Variants in LMTK3 observed in about 807,000 individuals in gnomAD.
LMTK3 encodes the protein lemur tail kinase 3.
LMTK3 carries 27 observed loss-of-function variants against 116.7 expected under a neutral mutation model. The ratio of observed to expected loss-of-function variants is 0.23; its 90% confidence interval spans 0.17 to 0.32. The LOEUF (loss-of-function observed/expected upper bound fraction) is 0.32, where lower values mean the gene tolerates loss of function less well. Among genes scored for constraint, LMTK3 ranks in the 10% least tolerant of loss-of-function variants. The pLI, the probability that LMTK3 is intolerant of heterozygous loss-of-function variation, is 1.00. For missense variants in LMTK3, 1,764 were observed against 2,068.5 expected (o/e 0.85, Z 2.86); for synonymous variants, 965 against 971.0 (o/e 0.99, Z 0.11).
At chr19:48,513,246 C>G, upstream of LMTK3, 2 of 1,308,478 alleles carry the variant, frequency 1.5e-6, no homozygotes, top group South Asian at 2.5e-5. This position sits in a 1 kb window ranked among gnomAD's most constrained non-coding sequence, Gnocchi z 5.6. Context: ...AGTATTTAGT[C>G]TGTGCCAGGT....
At chr19:48,512,733 TACAC>T (rs1437956837), upstream of LMTK3, among the ~76,000 whole-genome samples, 1 of 151,586 alleles carries the variant, frequency 6.6e-6, no homozygotes, top group Non-Finnish European at 1.5e-5. Context: ...CTCACATGGA[TACAC>T]ACAGACACAC....
At chr19:48,510,332 G>T in intron 2 of LMTK3, 127 bp downstream of exon 2, 2 of 1,424,610 alleles carry the variant, frequency 1.4e-6, no homozygotes, top group Non-Finnish European at 1.9e-6. Context: ...TCCAGATCTT[G>T]CCATAGCTTC....
At chr19:48,503,179 C>T (rs945475108) in intron 5 of LMTK3, among the ~76,000 whole-genome samples, 183 bp from the exon 6 acceptor site, 1 of 152,204 alleles carries the variant, frequency 6.6e-6, no homozygotes, top group African/African-American at 2.4e-5. Flanking sequence ...TCCTGAGTAG[C>T]CAGGATTACA....
upstream of LMTK3, chr19:48,513,113 AC>A (rs1178925354): frequency 6.3e-7 from 1 of 1,581,344 alleles, no homozygotes; most frequent in East Asian, 2.3e-5. The surrounding 1 kb of genome is among the most constrained non-coding windows in gnomAD (Gnocchi z 5.6). Context: ...AGACACGCGC[AC>A]AGACACACGG....
chr19:48,500,758 G>C lies in LMTK3; in HGVS notation c.1151+238C>G, dbSNP rs76483180. Among the ~76,000 whole-genome samples, 1 of 152,178 alleles carries C rather than the reference G, an allele frequency of 6.6e-6. No individual in the cohort carries two copies. The highest frequency in any genetic ancestry group is 1.5e-5 in the Non-Finnish European group (1 of 68,032). The stretch of plus-strand genomic sequence containing the variant: ...GCGCTGTGAGCTCTGGAATCAGACA[G>C]GTAAGAAGCAGGGACCTCTTAGGGT... On this transcript the variant is annotated intron_variant, in intron 10 of 14. Coordinates refer to ENST00000600059, the MANE Select transcript of LMTK3 (RefSeq NM_001388485.1). The surrounding 1 kb of genome is among the most constrained non-coding windows in gnomAD (Gnocchi z 4.0).
At position 48,497,614 on chromosome 19, in the gene LMTK3, G is replaced by C. The variant is rs894453781; in HGVS notation, c.3455C>G (p.Pro1152Arg). The change falls in exon 11 of 15, where the codon CCG becomes CGG. Residue 1152 changes from proline to arginine, a missense_variant. Around this residue, in one of 7 missense-constraint regions of LMTK3, gnomAD observed 1,028 missense variants for 1,050.6 expected, o/e 0.98. Coordinates refer to ENST00000600059, the MANE Select transcript of LMTK3 (RefSeq NM_001388485.1). The surrounding 1 kb of genome is among the most constrained non-coding windows in gnomAD (Gnocchi z 5.7). Reference protein sequence around the residue: ...RPQPPPPPLPPPPEAQPRRLE... With the variant: ...RPQPPPPPLPRPPEAQPRRLE... ...CCTCCTCGGCTGTGCCTCCGGTGGC[G>C]GTGGCAGCGGTGGCGGCGGTGGCTG... 3.1e-6 allele frequency: 4 copies of C among 1,299,814 alleles called. No individual in the cohort carries two copies. The highest frequency in any genetic ancestry group is 3.9e-6 in the Non-Finnish European group (4 of 1,024,692). 80.5% of individuals were successfully genotyped at this position (1,299,814 alleles called of 1,614,324 possible).
In LMTK3 at chr19:48,491,491, T is replaced by C. The variant is rs752582954; in HGVS notation, c.4141A>G (p.Thr1381Ala). 7.1e-7 allele frequency: 1 copy of C among 1,409,480 alleles called. No individual in the cohort carries two copies. The highest frequency in any genetic ancestry group is 9.3e-7 in the Non-Finnish European group (1 of 1,080,166). The allele number at this position is 1,409,480 out of a possible 1,614,324, so 87.3% of individuals were successfully genotyped here. Residue 1381 changes from threonine to alanine, a missense_variant, in exon 13 of 15, where the codon ACG (threonine) becomes GCG (alanine). Physicochemically the swap from Thr to Ala is moderately conservative, Grantham distance 58. Transcript: ENST00000600059. This position sits in a 1 kb window ranked among gnomAD's most constrained non-coding sequence, Gnocchi z 5.1. The stretch of plus-strand genomic sequence containing the variant: ...GGCGCTGGAGGCGTTGACGGGTCCG[T>C]GTCCCCCTCGGGGGGGGCCTGGACG... ...LSVQAPPEGD[T>A]DPSTPPAPPT...
Position 48,498,672 on chromosome 19 carries a change from G to C in LMTK3, c.2397C>G (p.Thr799=). Reference sequence around the variant, plus strand: ...GGAAGGCTCCCTCTGGGGAAAAAGGGGTCTCGGTCTCGTAGCCGCTGTCCC... The same window carrying C: ...GGAAGGCTCCCTCTGGGGAAAAAGGCGTCTCGGTCTCGTAGCCGCTGTCCC... ...KPGDSGYETE[T]PFSPEGAFPG... The change falls in exon 11 of 15, where the codon ACC becomes ACG. Residue 799 remains threonine, a synonymous_variant. Coordinates refer to ENST00000600059, the MANE Select transcript of LMTK3 (RefSeq NM_001388485.1). 6.5e-7 allele frequency: 1 copy of C among 1,538,842 alleles called. No individual in the cohort carries two copies. The highest frequency in any genetic ancestry group is 8.7e-7 in the Non-Finnish European group (1 of 1,145,580).
chr19:48,503,343 C>T (rs947907088), intron 5 of LMTK3, among the ~76,000 whole-genome samples: 8 of 152,222 alleles, frequency 5.3e-5, no homozygotes, highest in East Asian at 1.9e-4. Flanking sequence ...CCACCGCACC[C>T]GGCCCACTCT....
chr19:48,512,373 G>A (rs1470328169), upstream of LMTK3, among the ~76,000 whole-genome samples: 1 of 152,006 alleles, frequency 6.6e-6, no homozygotes, highest in Non-Finnish European at 1.5e-5. Flanking sequence ...ACATGCCCCG[G>A]ACAAAGTAAA....
Position 48,498,938 on chromosome 19 carries a change from G to C in LMTK3, c.2131C>G (p.Arg711Gly). The C allele has an allele frequency of 1.6e-6, 2 of 1,289,500 alleles. No individual in the cohort carries two copies. 79.9% of individuals were successfully genotyped at this position (1,289,500 alleles called of 1,614,324 possible). The change falls in exon 11 of 15, where the codon CGG becomes GGG. Residue 711 changes from arginine (R) to glycine (G), a missense_variant. By Grantham distance (125) the Arg-to-Gly change is moderately radical. This residue lies in a region of LMTK3 where 1,028 missense variants were observed against 1,050.6 expected (regional missense o/e 0.98). Coordinates refer to ENST00000600059, the MANE Select transcript of LMTK3 (RefSeq NM_001388485.1). ...TCGGCCAGGGAGCCCCGCTCTGCCCGCAGCGAGGAGTCGTCCTCGGGGGGG... is the reference window on the plus strand; with the variant it reads ...TCGGCCAGGGAGCCCCGCTCTGCCCCCAGCGAGGAGTCGTCCTCGGGGGGG... Reference protein sequence around the residue: ...PHPPEDDSSLRAERGSLADLP... With the variant: ...PHPPEDDSSLGAERGSLADLP...
chr19:48,499,107 G>T lies in LMTK3; in HGVS notation c.1962C>A (p.Ser654Arg). 6.4e-7 allele frequency: 1 copy of T among 1,558,620 alleles called. No homozygotes were observed. The change falls in exon 11 of 15, where the codon AGC becomes AGA. Residue 654 changes from serine (S) to arginine (R), a missense_variant. By Grantham distance (110) the Ser-to-Arg change is moderately radical. Coordinates refer to ENST00000600059, the MANE Select transcript of LMTK3 (RefSeq NM_001388485.1). ...GGCTTGGGCCACCTCCAAGGCTGCTGCTGTCTTCCCCTGGGGAGCTGCCCT... is the reference window on the plus strand; with the variant it reads ...GGCTTGGGCCACCTCCAAGGCTGCTTCTGTCTTCCCCTGGGGAGCTGCCCT... ...EEEGSSPGEDSSSLGGGPSRR... is the reference protein window; with the variant it reads ...EEEGSSPGEDRSSLGGGPSRR...
chr19:48,509,026 G>T, intron 4 of LMTK3, 57 bp from the exon 5 acceptor site: 1 of 1,203,046 alleles, frequency 8.3e-7, no homozygotes. Context: ...CCGTCCCCTG[G>T]GACCAGCTCC....
chr19:48,498,241 G>T lies in LMTK3; in HGVS notation c.2828C>A (p.Ala943Glu), dbSNP rs765926338. The T allele has an allele frequency of 1.2e-6, 2 of 1,613,004 alleles. No homozygotes were observed. The highest frequency in any genetic ancestry group is 2.7e-5 in the African/African-American group (2 of 74,702). The part of the protein sequence containing the change: ...DQRAPGIEEK[A>E]AENGALGSPE... ...GGACCCCAGGGCCCCATTCTCCGCC[G>T]CCTTCTCCTCGATGCCTGGGGCTCT... Residue 943 changes from alanine to glutamate, a missense_variant, in exon 11 of 15, where the codon GCG (alanine) becomes GAG (glutamate). Ala to Glu is a moderately radical substitution (Grantham distance 107). Transcript: ENST00000600059.
chr19:48,487,739 G>A (rs980839262), intron 14 of LMTK3, among the ~76,000 whole-genome samples: 1 of 152,082 alleles, frequency 6.6e-6, no homozygotes, highest in African/African-American at 2.4e-5. Context: ...GGTTCTCGTT[G>A]GGGGCCTCAT....
Position 48,498,390 on chromosome 19 carries a change from G to A in LMTK3, c.2679C>T (p.Gly893=). Residue 893 remains glycine, a synonymous_variant, in exon 11 of 15, where the codon GGC becomes GGT. Transcript: ENST00000600059. The stretch of plus-strand genomic sequence containing the variant: ...CCGGGACTTTCTCTCTGTTCCCGGG[G>A]CCTCTCCCCGCCTTCCTGGGTCCTG... The part of the protein sequence containing the change: ...RETGPRKAGR[G]PGNREKVPGL... 2 of 1,611,302 alleles carry A rather than the reference G, an allele frequency of 1.2e-6. No individual in the cohort carries two copies. The highest frequency in any genetic ancestry group is 1.7e-6 in the Non-Finnish European group (2 of 1,179,024).
At chr19:48,509,933 C>T in intron 3 of LMTK3, 90 bp downstream of exon 3, 3 of 1,468,340 alleles carry the variant, frequency 2.0e-6, no homozygotes, top group Non-Finnish European at 2.8e-6. Context: ...CCGCTGGTCT[C>T]AACCGCCCCA....
In LMTK3 at chr19:48,493,953, C is replaced by T. The variant is rs776526950; in HGVS notation, c.3833G>A (p.Gly1278Glu). Residue 1278 changes from glycine (G) to glutamate (E), a missense_variant, in exon 12 of 15, where the codon GGG becomes GAG. Gly to Glu is a moderately conservative substitution (Grantham distance 98, BLOSUM62 -2). This residue lies in a region of LMTK3 where 281 missense variants were observed against 301.4 expected (regional missense o/e 0.93). Coordinates refer to ENST00000600059, the MANE Select transcript of LMTK3 (RefSeq NM_001388485.1). ...CTCCTCGTCCTCGTCCTCGTCCTCC[C>T]CGTCCTCCTCCGCCGGCCCCGGCGC... is the stretch of plus-strand genomic sequence containing the variant. ...AGAPGPAEEDGEDEDEDEEED... is the reference protein window; with the variant it reads ...AGAPGPAEEDEEDEDEDEEED... 2.6e-5 allele frequency: 27 copies of T among 1,040,648 alleles called. No individual in the cohort carries two copies. The highest frequency in any genetic ancestry group is 2.2e-4 in the Admixed American group (4 of 18,134). The allele number at this position is 1,040,648 out of a possible 1,614,324, so 64.5% of individuals were successfully genotyped here. A position where few individuals can be genotyped will look rare whatever the true frequency, so the allele number is the denominator to read the frequency against.
chr19:48,489,542 C>T (rs3865435), intron 14 of LMTK3, among the ~76,000 whole-genome samples: 8,436 of 152,230 alleles, frequency 0.055, 360 homozygotes, highest in African/African-American at 0.12. Context: ...CATTGCACTT[C>T]GGCTTGGGCG....
Sources: gnomAD v4.1 joint callset for allele counts (sites outside exome capture counted in the v4.1 genomes callset) on GRCh38, gnomAD v4.1.1 for gene constraint, gnomAD v4.1.1 regional missense constraint, Gnocchi (gnomAD v3.1) non-coding constraint, MANE v1.5 for transcripts, NCBI Gene and HGNC (gene_info 2026-07-23, HGNC 2026-07-21) for gene names.